SYDE2: variants seen among roughly 807,000 people sequenced by gnomAD.
SYDE2 encodes synapse defective Rho GTPase homolog 2, also known as rho GTPase-activating protein SYDE2.
SYDE2 carries 76 observed loss-of-function variants against 91.5 expected under a neutral mutation model. That is an observed-to-expected ratio of 0.83 (90% CI 0.69 to 1.01). SYDE2 has a LOEUF of 1.01. SYDE2 is among the 50% of genes least tolerant of loss of function. The pLI is 0.00. For missense variants in SYDE2, 1,364 were observed against 1,367.7 expected, an observed-to-expected ratio of 1.00 and a Z score of 0.04; for synonymous variants, 513 against 506.4, an observed-to-expected ratio of 1.01 and a Z score of -0.18.
At chr1:85,167,199 G>C (rs115775798) in intron 5 of SYDE2, among the ~76,000 whole-genome samples, 5,992 of 133,018 alleles carry the variant, frequency 0.045, 174 homozygotes, top group Middle Eastern at 0.074. Flanking sequence ...GAGAGACAAA[G>C]TGAGACCCTG....
At chr1:85,193,288 C>T (rs1018863655) in intron 1 of SYDE2, among the ~76,000 whole-genome samples, 1 of 152,204 alleles carries the variant, frequency 6.6e-6, no homozygotes, top group African/African-American at 2.4e-5. Flanking sequence ...TATTACTTAA[C>T]AGTATTTCAG....
At chr1:85,167,994 G>A (rs1657354538) in intron 5 of SYDE2, among the ~76,000 whole-genome samples, 1 of 151,994 alleles carries the variant, frequency 6.6e-6, no homozygotes, top group Admixed American at 6.5e-5. Flanking sequence ...CCCACCTGTA[G>A]TCTCAGCTAC....
chr1:85,182,897 G>A lies in SYDE2; in HGVS notation c.1745C>T (p.Thr582Ile), dbSNP rs1026086193. The A allele has an allele frequency of 3.7e-6, 6 of 1,613,610 alleles. No individual in the cohort carries two copies. The South Asian group carries it at 4.4e-5, about 12-fold the overall frequency. Residue 582 changes from threonine to isoleucine, a missense_variant, in exon 3 of 7, where the codon ACC (threonine) becomes ATC (isoleucine). Physicochemically the swap from Thr to Ile is moderately conservative, Grantham distance 89 (BLOSUM62 -1). Transcript: ENST00000341460. Reference protein sequence around the residue: ...TDILPSGNTTTAAKRNVISRY... With the variant: ...TDILPSGNTTIAAKRNVISRY... Reference sequence around the variant, plus strand: ...GCTTATAACATTCCTCTTAGCAGCGGTGGTTGTGTTCCCAGAGGGCAGAAT... The same window carrying A: ...GCTTATAACATTCCTCTTAGCAGCGATGGTTGTGTTCCCAGAGGGCAGAAT...
intron 1 of SYDE2, among the ~76,000 whole-genome samples, chr1:85,199,297 A>G (rs1205209618): frequency 4.6e-5 from 7 of 152,200 alleles, no homozygotes; most frequent in African/African-American, 1.7e-4. Context: ...AGAGTATTCA[A>G]AAGACCATGT....
In SYDE2 at chr1:85,159,049, C is replaced by G; in HGVS notation, c.3286G>C (p.Gly1096Arg). 3 of 780,766 alleles carry G rather than the reference C, an allele frequency of 3.8e-6. No individual in the cohort carries two copies. The highest frequency in any genetic ancestry group is 7.2e-6 in the Non-Finnish European group (3 of 417,946). The allele number at this position is 780,766 out of a possible 1,614,324, so 48.4% of individuals were successfully genotyped here. A position where few individuals can be genotyped will look rare whatever the true frequency, so the allele number is the denominator to read the frequency against. ...TTTGTATTTAAAAAGTAGTTTTCCC[C>G]ACAGCTGCTCCAGTCTCCTGCATAA... is the stretch of plus-strand genomic sequence containing the variant. ...NRYAGDWSSC[G>R]ENYFLNTKEN... Residue 1096 changes from glycine (G) to arginine (R), a missense_variant, in exon 7 of 7, where the codon GGG (glycine) becomes CGG (arginine). Coordinates refer to ENST00000341460, the MANE Select transcript of SYDE2 (RefSeq NM_032184.2).
intron 1 of SYDE2, among the ~76,000 whole-genome samples, chr1:85,198,033 C>T (rs1402367205): frequency 6.6e-6 from 1 of 152,190 alleles, no homozygotes; most frequent in East Asian, 1.9e-4. Context: ...AAGTTACTTA[C>T]CCCGCTATGC....
At chr1:85,180,565 C>T (rs1380306050) in intron 3 of SYDE2, among the ~76,000 whole-genome samples, 1 of 151,842 alleles carries the variant, frequency 6.6e-6, no homozygotes, top group Non-Finnish European at 1.5e-5. Context: ...TGATGGCGTG[C>T]ACCTGTAATC....
chr1:85,183,239 T>C (rs767728579), intron 2 of SYDE2, 39 bp from the exon 3 acceptor site: 3 of 1,482,318 alleles, frequency 2.0e-6, no homozygotes. Context: ...TAAAGCAATA[T>C]GTTTTGATTT....
At position 85,182,007 on chromosome 1, in the gene SYDE2, A is replaced by AT. The variant is rs768867400; in HGVS notation, c.2544+90dup. Reference sequence around the variant, plus strand: ...AGGAATGGTAAAATATCTAAATTTGATTTTTTTACATTACCTTGAATTTCT... The same window carrying AT: ...AGGAATGGTAAAATATCTAAATTTGATTTTTTTTACATTACCTTGAATTTCT... On this transcript the variant is annotated intron_variant, in intron 3 of 6. Coordinates refer to ENST00000341460, the MANE Select transcript of SYDE2 (RefSeq NM_032184.2). 3.4e-5 allele frequency: 44 copies of AT among 1,312,434 alleles called. No homozygotes were observed. The East Asian group carries it at 1.0e-3, about 31-fold the overall frequency. The allele number at this position is 1,312,434 out of a possible 1,614,324, so 81.3% of individuals were successfully genotyped here. A position where few individuals can be genotyped will look rare whatever the true frequency, so the allele number is the denominator to read the frequency against.
In SYDE2 at chr1:85,159,261, CAAT is replaced by C. The variant is rs1042554755; in HGVS notation, c.3086-15_3086-13del. Reference sequence around the variant, plus strand: ...AGTTAAACGCTGCACTAGAAACAAACAATAATTTTGCTTTAGTGACAGTAATCC... The same window carrying C: ...AGTTAAACGCTGCACTAGAAACAAACAATTTTGCTTTAGTGACAGTAATCC... On this transcript the variant is annotated splice_polypyrimidine_tract_variant and intron_variant, in intron 6 of 6. Transcript: ENST00000341460. 3 of 772,686 alleles carry C rather than the reference CAAT, an allele frequency of 3.9e-6. No homozygotes were observed. The highest frequency in any genetic ancestry group is 7.2e-6 in the Non-Finnish European group (3 of 416,468). The allele number at this position is 772,686 out of a possible 1,614,324, so 47.9% of individuals were successfully genotyped here. A position where few individuals can be genotyped will look rare whatever the true frequency, so the allele number is the denominator to read the frequency against.
chr1:85,155,835 A>C (rs1656869671), downstream of SYDE2, among the ~76,000 whole-genome samples: 1 of 152,234 alleles, frequency 6.6e-6, no homozygotes, highest in African/African-American at 2.4e-5. Context: ...AAAACTATAC[A>C]TCTATTAAAA....
At position 85,200,903 on chromosome 1, in the gene SYDE2, G is replaced by T. The variant is rs768949887; in HGVS notation, c.94C>A (p.Pro32Thr). The change falls in exon 1 of 7, where the codon CCG becomes ACG. Residue 32 changes from proline to threonine, a missense_variant. Transcript: ENST00000341460. Reference sequence around the variant, plus strand: ...CGGTACGCGGCGCCGCGGGAAGGCGGCTGGCCCGGAGCCCGGGCTCCCGCG... The same window carrying T: ...CGGTACGCGGCGCCGCGGGAAGGCGTCTGGCCCGGAGCCCGGGCTCCCGCG... ...FPAGARAPGQ[P>T]PSRGAAYRRA... 95 of 1,327,906 alleles carry T rather than the reference G, an allele frequency of 7.2e-5. 1 individual carries two copies. The South Asian group carries it at 1.9e-3, about 27-fold the overall frequency. The allele number at this position is 1,327,906 out of a possible 1,614,324, so 82.3% of individuals were successfully genotyped here. A position where few individuals can be genotyped will look rare whatever the true frequency, so the allele number is the denominator to read the frequency against.
chr1:85,155,097 C>T (rs1317153450), downstream of SYDE2, among the ~76,000 whole-genome samples: 1 of 148,264 alleles, frequency 6.7e-6, no homozygotes, highest in Non-Finnish European at 1.5e-5. Context: ...AAATACATCC[C>T]AAGATGATAG....
At chr1:85,191,741 G>C (rs913867959) in intron 1 of SYDE2, among the ~76,000 whole-genome samples, 4 of 142,962 alleles carry the variant, frequency 2.8e-5, no homozygotes, top group African/African-American at 1.1e-4. Flanking sequence ...CTGGGTAACA[G>C]AGCGAGATTC....
downstream of SYDE2, among the ~76,000 whole-genome samples, chr1:85,154,979 C>G (rs1029519993): frequency 7.1e-5 from 2 of 28,214 alleles, no homozygotes; most frequent in Non-Finnish European, 1.5e-4. Context: ...CTTCAGCAAA[C>G]AGAAAAGACA....
rs368251218 is a variant in SYDE2, at chr1:85,190,477, C to T, written c.1021G>A (p.Val341Met). The T allele has an allele frequency of 6.2e-7, 1 of 1,613,938 alleles. No individual in the cohort carries two copies. The highest frequency in any genetic ancestry group is 8.5e-7 in the Non-Finnish European group (1 of 1,179,838). ...GAAGAGTTTGTAGCGTTACATACCA[C>T]ATATGTACAGTACTCTTTAGATGAT... ...LKSSKEYCTY[V>M]VCNATNSSLS... Residue 341 changes from valine (V) to methionine (M), a missense_variant, in exon 2 of 7, where the codon GTG becomes ATG. Physicochemically the swap from Val to Met is conservative, Grantham distance 21. Coordinates refer to ENST00000341460, the MANE Select transcript of SYDE2 (RefSeq NM_032184.2).
Position 85,200,419 on chromosome 1 carries a change from T to C in SYDE2, c.578A>G (p.Lys193Arg), listed in dbSNP as rs1658775910. The change falls in exon 1 of 7, where the codon AAG becomes AGG. Residue 193 changes from lysine (K) to arginine (R), a missense_variant. Lys to Arg is a conservative substitution (Grantham distance 26). Coordinates refer to ENST00000341460, the MANE Select transcript of SYDE2 (RefSeq NM_032184.2). ...CAGCAGACGCCCTTTGTACATCCAC[T>C]TCTGCAGCTTCTTGACTGTCACTGC... Reference protein sequence around the residue: ...PPAVTVKKLQKWMYKGRLLSL... With the variant: ...PPAVTVKKLQRWMYKGRLLSL... 1 of 1,613,890 alleles carries C rather than the reference T, an allele frequency of 6.2e-7. No individual in the cohort carries two copies. The highest frequency in any genetic ancestry group is 1.3e-5 in the African/African-American group (1 of 74,926).
At position 85,182,689 on chromosome 1, in the gene SYDE2, A is replaced by G. The variant is rs1188596096; in HGVS notation, c.1953T>C (p.Asn651=). Residue 651 remains asparagine (N), a synonymous_variant, in exon 3 of 7, where the codon AAT becomes AAC. Coordinates refer to ENST00000341460, the MANE Select transcript of SYDE2 (RefSeq NM_032184.2). ...KFGKGKEIIS[N]SCSKNEIDID... ...TGTCTATTTCATTCTTGCTACAACT[A>G]TTTGAAATTATTTCTTTTCCTTTTC... 3.1e-6 allele frequency: 5 copies of G among 1,613,672 alleles called. No homozygotes were observed. Among genetic ancestry groups the G allele is most frequent in the African/African-American group, 1.3e-5 (1 of 75,044 alleles).
chr1:85,194,823 C>G (rs1420787464), intron 1 of SYDE2: 6 of 985,168 alleles, frequency 6.1e-6, no homozygotes, highest in Non-Finnish European at 7.2e-6. Flanking sequence ...CAAATGCCAT[C>G]AGCAAATTTT....
Sources: gnomAD v4.1 joint callset for allele counts (sites outside exome capture counted in the v4.1 genomes callset) on GRCh38, gnomAD v4.1.1 for gene constraint, MANE v1.5 for transcripts, NCBI Gene and HGNC (gene_info 2026-07-23, HGNC 2026-07-21) for gene names.